Variants in PTPRD observed in about 807,000 individuals in gnomAD.
PTPRD encodes protein tyrosine phosphatase receptor type D.
In PTPRD, 34 loss-of-function variants were observed where a neutral mutation model predicts 214.5. The ratio of observed to expected loss-of-function variants is 0.16; its 90% CI spans 0.12 to 0.21. The LOEUF is 0.21. Among genes scored for constraint, PTPRD ranks in the 10% least tolerant of loss-of-function variants. PTPRD has a pLI of 1.00. For missense variants in PTPRD, 2,545 were observed against 2,398.7 expected (o/e 1.06, Z -1.27); for synonymous variants, 1,128 against 845.7 (o/e 1.33, Z -5.79).
At chr9:9,334,526 G>A (rs1462577937) in intron 9 of PTPRD, among the ~76,000 whole-genome samples, 3 of 151,958 alleles carry the variant, frequency 2.0e-5, no homozygotes, top group Non-Finnish European at 4.4e-5. Context: ...GGTCTGGTGG[G>A]AAGATCAGGA....
intron 2 of PTPRD, among the ~76,000 whole-genome samples, chr9:10,350,660 C>G (rs1368677356): frequency 1.3e-5 from 2 of 151,976 alleles, no homozygotes; most frequent in African/African-American, 2.4e-5. Flanking sequence ...GGGCCATCTG[C>G]CAAAACAGTC....
intron 10 of PTPRD, among the ~76,000 whole-genome samples, chr9:9,093,135 C>G (rs1292067847): frequency 6.6e-6 from 1 of 151,968 alleles, no homozygotes; most frequent in Non-Finnish European, 1.5e-5. Context: ...GAACACATAA[C>G]AATCTTAAAT....
intron 11 of PTPRD, among the ~76,000 whole-genome samples, chr9:8,763,507 G>C (rs1414242467): frequency 2.0e-5 from 3 of 150,444 alleles, no homozygotes; most frequent in Non-Finnish European, 1.5e-5. Context: ...AGTGAGACTT[G>C]GTCTCAAAAA....
chr9:10,383,650 T>C (rs1056188138), intron 2 of PTPRD, among the ~76,000 whole-genome samples: 2 of 151,838 alleles, frequency 1.3e-5, no homozygotes, highest in African/African-American at 4.8e-5. Context: ...AGTTATAGTG[T>C]TGAATGTGTT....
chr9:9,836,393 T>C (rs1460140884), intron 5 of PTPRD, among the ~76,000 whole-genome samples: 1 of 152,166 alleles, frequency 6.6e-6, no homozygotes, highest in East Asian at 1.9e-4. Flanking sequence ...GACTGCTGAA[T>C]GGGCTCATTA....
intron 11 of PTPRD, among the ~76,000 whole-genome samples, chr9:8,845,418 C>T (rs1229175391): frequency 6.6e-6 from 1 of 152,194 alleles, no homozygotes; most frequent in Non-Finnish European, 1.5e-5. Context: ...CCTCTCCTGG[C>T]TAGCTCTGGC....
At chr9:9,482,794 C>T (rs1370669315) in intron 8 of PTPRD, among the ~76,000 whole-genome samples, 1 of 152,218 alleles carries the variant, frequency 6.6e-6, no homozygotes, top group Admixed American at 6.6e-5. Context: ...CTCCTTAGGG[C>T]AGCATTTTGT....
intron 11 of PTPRD, among the ~76,000 whole-genome samples, chr9:8,814,668 G>A (rs1292892852): frequency 6.6e-6 from 1 of 152,200 alleles, no homozygotes; most frequent in East Asian, 1.9e-4. Context: ...CAAACCATCT[G>A]TGACGTAGAT....
chr9:10,397,754 G>T (rs184148283), intron 2 of PTPRD, among the ~76,000 whole-genome samples: 8 of 152,098 alleles, frequency 5.3e-5, no homozygotes, highest in Admixed American at 2.0e-4. Flanking sequence ...CCTACAAGTG[G>T]TGGGAAGAAA....
chr9:8,616,090 A>C (rs1055967886), intron 14 of PTPRD, among the ~76,000 whole-genome samples: 12 of 152,196 alleles, frequency 7.9e-5, no homozygotes, highest in African/African-American at 2.9e-4. Flanking sequence ...AATCACTTTT[A>C]AAGTCATACA....
intron 2 of PTPRD, among the ~76,000 whole-genome samples, chr9:10,377,642 T>C (rs1247473940): frequency 2.0e-5 from 3 of 152,044 alleles, no homozygotes; most frequent in Non-Finnish European, 4.4e-5. Flanking sequence ...TATGGCTGCA[T>C]AGTATTCCAT....
intron 12 of PTPRD, among the ~76,000 whole-genome samples, chr9:8,672,222 G>A (rs779717461): frequency 4.1e-4 from 62 of 151,980 alleles, no homozygotes; most frequent in Admixed American, 6.5e-4. Context: ...CCATTTCTTC[G>A]CTGAGACGTG....
chr9:9,828,627 T>C lies in PTPRD; in HGVS notation c.-367-61776A>G, dbSNP rs545476279. On this transcript the variant is annotated intron_variant, in intron 5 of 45. Coordinates refer to ENST00000381196, the MANE Select transcript of PTPRD (RefSeq NM_002839.4). ...GTAACAAACCTACACGTTGTGCACG[T>C]GTACCATAAAACTTAAAGTATAATA... Among the ~76,000 whole-genome samples, 414 of 152,156 alleles carry C rather than the reference T, an allele frequency of 2.7e-3. 1 individual carries two copies. The highest frequency in any genetic ancestry group is 9.6e-3 in the African/African-American group (399 of 41,526).
In PTPRD at chr9:8,341,991, TAGAG is replaced by T. The variant is rs746863222; in HGVS notation, c.4662-17_4662-14del. 6.3e-7 allele frequency: 1 copy of T among 1,579,768 alleles called. No individual in the cohort carries two copies. The highest frequency in any genetic ancestry group is 2.3e-5 in the East Asian group (1 of 44,382). ...GCCAACTCCCGCACTATGAGGAAAATAGAGAAGAAAAGCCCAAATAAACCTATCA... is the reference window on the plus strand; with the variant it reads ...GCCAACTCCCGCACTATGAGGAAAATAAGAAAAGCCCAAATAAACCTATCA... On this transcript the variant is annotated splice_polypyrimidine_tract_variant and intron_variant, in intron 39 of 45. Transcript: ENST00000381196.
At chr9:8,427,672 A>C (rs1459938203) in intron 35 of PTPRD, among the ~76,000 whole-genome samples, 1 of 151,498 alleles carries the variant, frequency 6.6e-6, no homozygotes, top group Non-Finnish European at 1.5e-5. Flanking sequence ...TCTTCTTCTT[A>C]TTGTTATGAT....
chr9:10,233,751 G>A (rs768394791), intron 3 of PTPRD, among the ~76,000 whole-genome samples: 6 of 151,860 alleles, frequency 4.0e-5, no homozygotes, highest in South Asian at 2.1e-4. Flanking sequence ...TTCATATTCA[G>A]CTTGGGAATT....
chr9:8,811,573 A>G (rs532604178), intron 11 of PTPRD, among the ~76,000 whole-genome samples: 8 of 152,268 alleles, frequency 5.3e-5, no homozygotes, highest in Admixed American at 5.2e-4. Context: ...ATCATTCTTA[A>G]TTCCTGCTCT....
intron 8 of PTPRD, chr9:9,442,102 A>T (rs564881892): frequency 2.6e-5 from 4 of 152,430 alleles, no homozygotes; most frequent in African/African-American, 9.6e-5. Context: ...GCTACTCGGG[A>T]GGCTGAGGCT....
rs538474761 is a variant in PTPRD, at chr9:9,437,379, C to G, written c.-236-39897G>C. On this transcript the variant is annotated intron_variant, in intron 8 of 45. Coordinates refer to ENST00000381196, the MANE Select transcript of PTPRD (RefSeq NM_002839.4). ...CTTATAATTTTTGATTGCACTGTCA[C>G]CAGGAGCTATTGGCTAGATGGCTGT... 1.9e-3 allele frequency among the ~76,000 whole-genome samples: 287 copies of G among 152,196 alleles called. 1 individual carries two copies. The highest frequency in any genetic ancestry group is 5.6e-3 in the African/African-American group (231 of 41,520).
Sources: allele counts gnomAD v4.1 joint callset (sites outside exome capture counted in the v4.1 genomes callset), GRCh38; gene constraint gnomAD v4.1.1; transcripts MANE v1.5; gene names NCBI Gene and HGNC (gene_info 2026-07-23, HGNC 2026-07-21).